RAB12: variants seen among roughly 807,000 people sequenced by gnomAD.
RAB12 encodes the protein RAB12, member RAS oncogene family, also known as ras-related protein Rab-12.
A neutral mutation model predicts 28.4 loss-of-function variants in RAB12; 11 were observed. The observed-to-expected ratio is 0.39, with a 90% CI of 0.24 to 0.64. The LOEUF is 0.64. Among genes scored for constraint, RAB12 ranks in the 30% least tolerant of loss-of-function variants. The pLI, the probability that RAB12 is intolerant of heterozygous loss-of-function variation, is 0.50. For synonymous variants in RAB12, 138 were observed against 145.3 expected (o/e 0.95, Z 0.36); for missense variants, 276 against 351.1 (o/e 0.79, Z 1.71).
chr18:8,612,478 C>T (rs1232278101), intron 1 of RAB12, among the ~76,000 whole-genome samples: 1 of 152,122 alleles, frequency 6.6e-6, no homozygotes, highest in African/African-American at 2.4e-5. Flanking sequence ...GCAAGAGTCT[C>T]TTCCACAGTA....
chr18:8,618,576 A>C (rs1477765570), intron 1 of RAB12, among the ~76,000 whole-genome samples: 2 of 150,942 alleles, frequency 1.3e-5, no homozygotes, highest in African/African-American at 4.9e-5. Flanking sequence ...GTGGCGCGAT[A>C]TTGGCTCACT....
At chr18:8,615,442 T>C (rs2096006227) in intron 1 of RAB12, among the ~76,000 whole-genome samples, 1 of 152,210 alleles carries the variant, frequency 6.6e-6, no homozygotes, top group Non-Finnish European at 1.5e-5. Flanking sequence ...CCATGACCGA[T>C]CTGCCCGTGT....
intron 1 of RAB12, among the ~76,000 whole-genome samples, chr18:8,616,742 G>A (rs1354509519): frequency 4.2e-5 from 6 of 143,658 alleles, no homozygotes; most frequent in East Asian, 2.0e-4. Context: ...GCTACATGGC[G>A]AAACCCCATC....
chr18:8,632,908 GA>G, intron 2 of RAB12: 4 of 360,854 alleles, frequency 1.1e-5, no homozygotes, highest in East Asian at 6.1e-5. Flanking sequence ...TGTCTTGAGG[GA>G]AAAAGTTATT....
intron 1 of RAB12, among the ~76,000 whole-genome samples, chr18:8,621,946 A>T (rs1035145575): frequency 5.9e-5 from 9 of 152,172 alleles, no homozygotes; most frequent in Admixed American, 5.9e-4. Context: ...TTATTTCCTG[A>T]TTTTGAATAT....
intron 1 of RAB12, among the ~76,000 whole-genome samples, chr18:8,621,527 T>C (rs1034760687): frequency 1.3e-5 from 2 of 152,250 alleles, no homozygotes; most frequent in African/African-American, 4.8e-5. Context: ...TGGGTATTTT[T>C]CTGTTGTGTT....
At chr18:8,626,934 C>G (rs1215323679) in intron 2 of RAB12, among the ~76,000 whole-genome samples, 2 of 152,194 alleles carry the variant, frequency 1.3e-5, no homozygotes, top group African/African-American at 2.4e-5. Context: ...GACTCTTTTC[C>G]TGCAGGAAGG....
intron 1 of RAB12, among the ~76,000 whole-genome samples, chr18:8,616,379 TAAAA>T (rs373829340): frequency 1.6e-5 from 2 of 121,462 alleles, no homozygotes; most frequent in Admixed American, 8.3e-5. Flanking sequence ...GTGTGATTGT[TAAAA>T]AAAAAAAAAA....
intron 2 of RAB12, among the ~76,000 whole-genome samples, chr18:8,631,116 G>A (rs184428621): frequency 3.7e-3 from 556 of 152,240 alleles, no homozygotes; most frequent in Middle Eastern, 0.014. Context: ...TCTTGAACTC[G>A]TGGCCTCAGG....
In RAB12 at chr18:8,624,752, G is replaced by A. The variant is rs1047386224; in HGVS notation, c.515-186G>A. Reference sequence around the variant, plus strand: ...GCTGACCTTCCCAGTGTGGACTGAAGCGTGAGAGATGGGAGGTTATAGACA... The same window carrying A: ...GCTGACCTTCCCAGTGTGGACTGAAACGTGAGAGATGGGAGGTTATAGACA... On this transcript the variant is annotated intron_variant, in intron 1 of 5. Transcript: ENST00000649141. 1.9e-4 allele frequency among the ~76,000 whole-genome samples: 29 copies of A among 152,220 alleles called. 1 individual carries two copies. The highest frequency in any genetic ancestry group is 7.3e-5 in the Non-Finnish European group (5 of 68,032).
chr18:8,627,025 C>T (rs915564921), intron 2 of RAB12, among the ~76,000 whole-genome samples: 28 of 152,196 alleles, frequency 1.8e-4, no homozygotes, highest in Admixed American at 1.8e-3. Flanking sequence ...TTTTTATCTT[C>T]TGAAATATTT....
chr18:8,620,133 C>CTT (rs2096008974), intron 1 of RAB12, among the ~76,000 whole-genome samples: 1 of 40,120 alleles, frequency 2.5e-5, no homozygotes, highest in African/African-American at 1.4e-4. Flanking sequence ...TTTTTTTTTT[C>CTT]TTCTTCTTTT....
At position 8,639,072 on chromosome 18, in the gene RAB12, CT is replaced by C. The variant is rs2096020617; in HGVS notation, c.*811del. 6.9e-6 allele frequency: 1 copy of C among 145,590 alleles called. No individual in the cohort carries two copies. The highest frequency in any genetic ancestry group is 2.3e-4 in the South Asian group (1 of 4,414). 9.0% of individuals were successfully genotyped at this position (145,590 alleles called of 1,614,324 possible). A position where few individuals can be genotyped will look rare whatever the true frequency, so the allele number is the denominator to read the frequency against. On this transcript the variant is annotated 3_prime_UTR_variant, in exon 6 of 6. Transcript: ENST00000649141. The stretch of plus-strand genomic sequence containing the variant: ...GAACATACGTGTATTTGCCTAAACA[CT>C]CTGTACCTTTGTAATGATAAAACTT...
At chr18:8,628,632 T>G (rs2096014177) in intron 2 of RAB12, among the ~76,000 whole-genome samples, 1 of 152,208 alleles carries the variant, frequency 6.6e-6, no homozygotes, top group African/African-American at 2.4e-5. Flanking sequence ...ATTTTGAGGT[T>G]TCTATCCTCT....
chr18:8,609,720 A>T lies in RAB12; in HGVS notation c.281A>T (p.His94Leu), dbSNP rs2096002584. 1 of 1,114,772 alleles carries T rather than the reference A, an allele frequency of 9.0e-7. No homozygotes were observed. The highest frequency in any genetic ancestry group is 5.1e-5 in the Admixed American group (1 of 19,556). 69.1% of individuals were successfully genotyped at this position (1,114,772 alleles called of 1,614,324 possible). A position where few individuals can be genotyped will look rare whatever the true frequency, so the allele number is the denominator to read the frequency against. ...GGGCGGCGGGCCGAGCGGGAGCCGC[A>T]TGCGTGTATGGATCCGGGCGCCGCG... ...GGGRRAEREP[H>L]ACMDPGAALQ... Residue 94 changes from histidine (H) to leucine (L), a missense_variant, in exon 1 of 6, where the codon CAT becomes CTT. Physicochemically the swap from His to Leu is moderately conservative, Grantham distance 99. Around this residue, in one of 4 missense-constraint regions of RAB12, gnomAD observed 72 missense variants for 55.5 expected, o/e 1.30. Transcript: ENST00000649141.
At chr18:8,633,910 AT>A (rs1453781123) in intron 3 of RAB12, among the ~76,000 whole-genome samples, 1 of 152,168 alleles carries the variant, frequency 6.6e-6, no homozygotes, top group East Asian at 1.9e-4. Context: ...CCAAATACAC[AT>A]TTAGAAGGCA....
intron 1 of RAB12, among the ~76,000 whole-genome samples, chr18:8,611,302 G>C (rs1314365021): frequency 6.6e-6 from 1 of 152,144 alleles, no homozygotes; most frequent in Non-Finnish European, 1.5e-5. Flanking sequence ...AATAAAGTAG[G>C]GTTAAATTCC....
intron 1 of RAB12, among the ~76,000 whole-genome samples, chr18:8,612,832 T>C (rs1290650573): frequency 6.6e-6 from 1 of 152,114 alleles, no homozygotes; most frequent in Non-Finnish European, 1.5e-5. Flanking sequence ...CACCAAGCCC[T>C]TTTTTGATTT....
intron 1 of RAB12, among the ~76,000 whole-genome samples, chr18:8,617,041 C>T (rs1416076989): frequency 6.6e-6 from 1 of 152,228 alleles, no homozygotes; most frequent in African/African-American, 2.4e-5. Context: ...TAAGTTTCAG[C>T]TCCAGGACAG....
Sources: allele counts gnomAD v4.1 joint callset (sites outside exome capture counted in the v4.1 genomes callset), GRCh38; gene constraint gnomAD v4.1.1; regional missense constraint gnomAD v4.1.1; transcripts MANE v1.5; gene names NCBI Gene and HGNC (gene_info 2026-07-23, HGNC 2026-07-21).